Variants in XRN2 observed in about 807,000 individuals in gnomAD.
The protein encoded by XRN2 is 5'-3' exoribonuclease 2.
A neutral mutation model predicts 138.5 loss-of-function variants in XRN2; 44 were observed. That is an observed-to-expected ratio of 0.32 (90% CI 0.25 to 0.41). The LOEUF is 0.41. Ranked by LOEUF, XRN2 falls within the 10% of genes least tolerant of loss-of-function variation. The pLI, the probability that XRN2 is intolerant of heterozygous loss-of-function variation, is 1.00. For missense variants in XRN2, 937 were observed against 1,169.3 expected, an observed-to-expected ratio of 0.80 and a Z score of 2.90; for synonymous variants, 354 against 369.4, an observed-to-expected ratio of 0.96 and a Z score of 0.48.
chr20:21,377,264 C>CTTTTTTTTTTTTTTTTTTTTTTTTTTTG (rs761622310), intron 27 of XRN2, among the ~76,000 whole-genome samples: 2 of 82,782 alleles, frequency 2.4e-5, no homozygotes, highest in African/African-American at 5.4e-5. Flanking sequence ...TCGGTTTTTT[C>CTTTTTTTTTTTTTTTTTTTTTTTTTTTG]TTTTTTTTTT....
chr20:21,384,398 A>G (rs2038916115), intron 28 of XRN2, among the ~76,000 whole-genome samples: 2 of 152,236 alleles, frequency 1.3e-5, no homozygotes, highest in Admixed American at 1.3e-4. Flanking sequence ...TCACATCTCC[A>G]GTAACTTTCC....
chr20:21,340,929 A>T, intron 15 of XRN2, 77 bp downstream of exon 15: 1 of 1,511,686 alleles, frequency 6.6e-7, no homozygotes, highest in Non-Finnish European at 9.1e-7. Flanking sequence ...GTGTGTGTGA[A>T]ATTTATCACA....
chr20:21,344,893 T>G (rs1184947606), intron 16 of XRN2, among the ~76,000 whole-genome samples: 2 of 152,138 alleles, frequency 1.3e-5, no homozygotes, highest in Non-Finnish European at 2.9e-5. Context: ...GCCAACAATC[T>G]CAATAATTGT....
intron 13 of XRN2, among the ~76,000 whole-genome samples, chr20:21,335,120 T>C (rs2038267295): frequency 1.3e-5 from 2 of 152,152 alleles, no homozygotes; most frequent in Admixed American, 6.5e-5. Flanking sequence ...TGGGAAGCCA[T>C]GCTCAAGGGG....
intron 16 of XRN2, 45 bp downstream of exon 16, chr20:21,344,253 T>C: frequency 7.0e-7 from 1 of 1,422,410 alleles, no homozygotes; most frequent in South Asian, 1.2e-5. Context: ...ATTGCTGAAA[T>C]AGATGCAGTC....
rs144565696 is a variant in XRN2, at chr20:21,382,125, A to C, written c.2648+68A>C. On this transcript the variant is annotated intron_variant, in intron 28 of 29. Coordinates refer to ENST00000377191, the MANE Select transcript of XRN2 (RefSeq NM_012255.5). ...CCAACATTTGGGGTTTATGGTTTTTATGGAAGCTAAAACCTCTGTGGTTTG... is the reference window on the plus strand; with the variant it reads ...CCAACATTTGGGGTTTATGGTTTTTCTGGAAGCTAAAACCTCTGTGGTTTG... 785 of 1,361,348 alleles carry C rather than the reference A, an allele frequency of 5.8e-4. 1 individual carries two copies. The African/African-American group carries it at 0.011, about 19-fold the overall frequency. The allele number at this position is 1,361,348 out of a possible 1,614,324, so 84.3% of individuals were successfully genotyped here. A position where few individuals can be genotyped will look rare whatever the true frequency, so the allele number is the denominator to read the frequency against.
At chr20:21,350,939 G>A (rs914097857) in intron 20 of XRN2, among the ~76,000 whole-genome samples, 3 of 152,098 alleles carry the variant, frequency 2.0e-5, no homozygotes, top group African/African-American at 4.8e-5. Flanking sequence ...TTGGAGATTC[G>A]GGTTTTTCAA....
rs761622310 is a variant in XRN2, at chr20:21,377,264, C to CTTTTTTTTTTTTTTTTTTTTTTTTTTTT, written c.2585-4716_2585-4715insTTTTTTTTTTTTTTTTTTTTTTTTTTTT. 6.5e-4 allele frequency among the ~76,000 whole-genome samples: 54 copies of CTTTTTTTTTTTTTTTTTTTTTTTTTTTT among 82,794 alleles called. 9 individuals are homozygous for CTTTTTTTTTTTTTTTTTTTTTTTTTTTT. The highest frequency in any genetic ancestry group is 1.4e-3 in the African/African-American group (26 of 18,680). 54.3% of individuals were successfully genotyped at this position (82,794 alleles called of 152,430 possible). On this transcript the variant is annotated intron_variant, in intron 27 of 29. Transcript: ENST00000377191. ...CCAACATATGATTTGTCGGTTTTTT[C>CTTTTTTTTTTTTTTTTTTTTTTTTTTTT]TTTTTTTTTTTTTTGGTCAGTCTTG...
rs62217900 is a variant in XRN2 at position 21,308,279 on chromosome 20, G to A, written c.75+4806G>A. Among the ~76,000 whole-genome samples the A allele has an allele frequency of 8.4e-3, 1,274 of 152,286 alleles. 13 individuals carry two copies. Among genetic ancestry groups the A allele is most frequent in the Admixed American group, 0.016 (245 of 15,296 alleles). On this transcript the variant is annotated intron_variant, in intron 1 of 29. Transcript: ENST00000377191. ...TTGATGAACATTGGGATTGTTTCCA[G>A]TTTTTGGCTTTCTGAAAAAGAAACC...
chr20:21,313,029 T>C (rs978733583), intron 1 of XRN2, among the ~76,000 whole-genome samples: 1 of 152,238 alleles, frequency 6.6e-6, no homozygotes, highest in African/African-American at 2.4e-5. Context: ...AGCTTAATCT[T>C]TTGGCTTATT....
chr20:21,328,150 A>T (rs1262442999), intron 3 of XRN2, among the ~76,000 whole-genome samples: 1 of 152,198 alleles, frequency 6.6e-6, no homozygotes, highest in Non-Finnish European at 1.5e-5. Flanking sequence ...AGGTGTGGAC[A>T]TAGAGAATGT....
At chr20:21,339,245 G>T (rs550147843) in intron 14 of XRN2, among the ~76,000 whole-genome samples, 157 bp downstream of exon 14, 1 of 152,196 alleles carries the variant, frequency 6.6e-6, no homozygotes, top group Non-Finnish European at 1.5e-5. Context: ...AAGAACACTG[G>T]TGTCGATTTA....
At chr20:21,358,854 G>T (rs1461014255) in intron 24 of XRN2, among the ~76,000 whole-genome samples, 1 of 152,096 alleles carries the variant, frequency 6.6e-6, no homozygotes, top group Non-Finnish European at 1.5e-5. Flanking sequence ...TGAAAGCCAC[G>T]CTCCTAAACC....
At chr20:21,383,947 G>A (rs2038911729) in intron 28 of XRN2, among the ~76,000 whole-genome samples, 2 of 152,092 alleles carry the variant, frequency 1.3e-5, no homozygotes, top group African/African-American at 4.8e-5. Flanking sequence ...ATTTAAGAAA[G>A]ATACCATTTT....
intron 20 of XRN2, among the ~76,000 whole-genome samples, 161 bp downstream of exon 20, chr20:21,349,622 A>G (rs547368892): frequency 2.0e-5 from 3 of 152,330 alleles, no homozygotes; most frequent in African/African-American, 4.8e-5. Flanking sequence ...TTGCACCTGT[A>G]GTCCCATCTA....
chr20:21,366,210 A>T (rs2038700609), intron 26 of XRN2, among the ~76,000 whole-genome samples: 1 of 131,746 alleles, frequency 7.6e-6, no homozygotes, highest in Non-Finnish European at 1.6e-5. Flanking sequence ...TTATATATAT[A>T]ATATAGTTTA....
Position 21,370,711 on chromosome 20 carries a change from A to G in XRN2, c.2584+2121A>G, listed in dbSNP as rs1032045984. Among the ~76,000 whole-genome samples the G allele has an allele frequency of 2.0e-5, 3 of 152,248 alleles. No homozygotes were observed. In the East Asian group the frequency reaches 5.8e-4, roughly 29 times the overall value. Reference sequence around the variant, plus strand: ...CAGGTCAGAAATGTTGACCACAAAAATAATTAACATGGCATTTGGATTGCA... The same window carrying G: ...CAGGTCAGAAATGTTGACCACAAAAGTAATTAACATGGCATTTGGATTGCA... On this transcript the variant is annotated intron_variant, in intron 27 of 29. Coordinates refer to ENST00000377191, the MANE Select transcript of XRN2 (RefSeq NM_012255.5).
Position 21,339,751 on chromosome 20 carries a change from C to G in XRN2, c.1278+663C>G, listed in dbSNP as rs537118846. 2.8e-4 allele frequency among the ~76,000 whole-genome samples: 42 copies of G among 152,308 alleles called. No homozygotes were observed. The South Asian group carries it at 8.1e-3, about 29-fold the overall frequency. On this transcript the variant is annotated intron_variant, in intron 14 of 29. Coordinates refer to ENST00000377191, the MANE Select transcript of XRN2 (RefSeq NM_012255.5). ...GGTTGAGCAATCCTTTCTTTTAACT[C>G]TGGTGCTTCCTATGTCTGATACATG... is the stretch of plus-strand genomic sequence containing the variant.
At chr20:21,346,680 C>A (rs896790950) in intron 17 of XRN2, 130 bp downstream of exon 17, 1 of 1,146,266 alleles carries the variant, frequency 8.7e-7, no homozygotes, top group Non-Finnish European at 1.2e-6. Context: ...AGGGCAATGG[C>A]GTGATCTCAA....
Sources: allele counts gnomAD v4.1 joint callset (sites outside exome capture counted in the v4.1 genomes callset), GRCh38; gene constraint gnomAD v4.1.1; transcripts MANE v1.5; gene names NCBI Gene and HGNC (gene_info 2026-07-23, HGNC 2026-07-21).